The following TLE4 variants were observed in gnomAD, a reference collection of about 807,000 sequenced individuals.
The protein encoded by TLE4 is transducin-like enhancer protein 4.
A neutral mutation model predicts 92.8 loss-of-function variants in TLE4; 8 were observed. The ratio of observed to expected loss-of-function variants is 0.09; its 90% confidence interval spans 0.05 to 0.16. The LOEUF is 0.16. Ranked by LOEUF, TLE4 falls within the 10% of genes least tolerant of loss-of-function variation. The probability of loss-of-function intolerance (pLI) is 1.00; values close to 1 mark genes in which losing one functional copy is unlikely to be tolerated. For synonymous variants in TLE4, 371 were observed against 374.1 expected, an observed-to-expected ratio of 0.99 and a Z score of 0.10; for missense variants, 675 against 997.6, an observed-to-expected ratio of 0.68 and a Z score of 4.36.
intron 8 of TLE4, among the ~76,000 whole-genome samples, chr9:79,702,420 A>C (rs1425655905): frequency 6.6e-6 from 1 of 152,164 alleles, no homozygotes. Flanking sequence ...TGATGATTGC[A>C]TGCATGGTTT....
At chr9:79,591,212 G>T (rs149592906) in intron 4 of TLE4, among the ~76,000 whole-genome samples, 2 of 152,304 alleles carry the variant, frequency 1.3e-5, no homozygotes, top group African/African-American at 2.4e-5. Flanking sequence ...AGAGAAGGGG[G>T]TCTTTCTGGC....
At chr9:79,580,830 C>T (rs528242454) in intron 4 of TLE4, among the ~76,000 whole-genome samples, 16 of 151,714 alleles carry the variant, frequency 1.1e-4, no homozygotes, top group Non-Finnish European at 2.1e-4. Context: ...ATTTTGCTGA[C>T]AGAACTTTAT....
At chr9:79,650,170 C>T (rs1587814204) in intron 6 of TLE4, among the ~76,000 whole-genome samples, 1 of 152,090 alleles carries the variant, frequency 6.6e-6, no homozygotes, top group Non-Finnish European at 1.5e-5. Context: ...ACCGCCTCAA[C>T]TTCCCAAAGT....
chr9:79,573,440 C>T (rs887240525), intron 1 of TLE4: 25 of 1,163,222 alleles, frequency 2.1e-5, no homozygotes, highest in Non-Finnish European at 2.5e-5. Context: ...GGAGACGGGA[C>T]TCGAACCCTC....
At chr9:79,603,527 T>C (rs895825581) in intron 4 of TLE4, among the ~76,000 whole-genome samples, 1 of 152,184 alleles carries the variant, frequency 6.6e-6, no homozygotes, top group Non-Finnish European at 1.5e-5. Flanking sequence ...GTGTTTTTTT[T>C]AAGACATAAT....
chr9:79,688,174 G>A (rs2066288961), intron 8 of TLE4, among the ~76,000 whole-genome samples: 1 of 152,126 alleles, frequency 6.6e-6, no homozygotes, highest in Non-Finnish European at 1.5e-5. Flanking sequence ...CTGTCCTATA[G>A]TGCTTATAAG....
intron 8 of TLE4, 136 bp downstream of exon 8, chr9:79,654,211 A>T (rs917984567): frequency 3.6e-6 from 3 of 832,438 alleles, no homozygotes; most frequent in Admixed American, 3.0e-5. Flanking sequence ...TTTTAAAATT[A>T]CTTTCAGGTG....
At chr9:79,621,279 A>T (rs2791577) in intron 5 of TLE4, among the ~76,000 whole-genome samples, 80,740 of 151,920 alleles carry the variant, frequency 0.53, 23,550 homozygotes, top group African/African-American at 0.79. Context: ...ACCTGGAGTA[A>T]TGTGCACTAC....
At position 79,705,955 on chromosome 9, in the gene TLE4, CT is replaced by C. The variant is rs750744149; in HGVS notation, c.783+14del. The C allele has an allele frequency of 8.7e-6, 14 of 1,613,720 alleles. No individual in the cohort carries two copies. Among genetic ancestry groups the C allele is most frequent in the Non-Finnish European group, 1.2e-5 (14 of 1,179,770 alleles). ...CGTTTCCAATGAGGTATGTTTGTGG[CT>C]ACTTTAATTTTTTGCACTTGCCCAG... On this transcript the variant is annotated intron_variant, in intron 10 of 19. Transcript: ENST00000376552.
intron 14 of TLE4, among the ~76,000 whole-genome samples, chr9:79,713,817 C>T (rs947096078): frequency 1.3e-5 from 2 of 150,938 alleles, no homozygotes; most frequent in Non-Finnish European, 2.9e-5. Context: ...ACCCCCAGTA[C>T]CTCTTACTTA....
chr9:79,687,909 C>T (rs1045774003), intron 8 of TLE4, among the ~76,000 whole-genome samples: 1 of 152,150 alleles, frequency 6.6e-6, no homozygotes, highest in Admixed American at 6.5e-5. Context: ...TAAAAGCACA[C>T]GATTCAGTAG....
rs2036154038 is a variant in TLE4 at position 79,572,779 on chromosome 9, A to G, written c.-12A>G. On this transcript the variant is annotated 5_prime_UTR_variant, in exon 1 of 20. It removes the in-frame stop codon of an upstream open reading frame in the 5' UTR. Coordinates refer to ENST00000376552, the MANE Select transcript of TLE4 (RefSeq NM_007005.6). ...GCGCCTCTGCCGAGCGCAGCCAACT[A>G]AATCGGCTTGGATGATTCGCGACCT... The G allele has an allele frequency of 1.9e-6, 3 of 1,598,512 alleles. No homozygotes were observed. Among genetic ancestry groups the G allele is most frequent in the Non-Finnish European group, 2.6e-6 (3 of 1,173,348 alleles).
At chr9:79,702,662 T>G (rs113750762) in intron 8 of TLE4, among the ~76,000 whole-genome samples, 6 of 152,298 alleles carry the variant, frequency 3.9e-5, no homozygotes, top group African/African-American at 1.4e-4. Flanking sequence ...GCTGAACGTT[T>G]GATAGGTCTA....
chr9:79,629,488 T>C (rs375933394), intron 6 of TLE4, among the ~76,000 whole-genome samples: 17 of 152,356 alleles, frequency 1.1e-4, no homozygotes, highest in African/African-American at 3.4e-4. Context: ...TGTTTATATG[T>C]ATTTAATTAT....
At chr9:79,660,156 TATG>T (rs2060325141) in intron 8 of TLE4, among the ~76,000 whole-genome samples, 1 of 152,224 alleles carries the variant, frequency 6.6e-6, no homozygotes, top group Admixed American at 6.5e-5. Context: ...GTAGGAAGGC[TATG>T]CCAGGTTCTG....
At chr9:79,698,746 T>C (rs996752403) in intron 8 of TLE4, among the ~76,000 whole-genome samples, 9 of 152,020 alleles carry the variant, frequency 5.9e-5, no homozygotes, top group Non-Finnish European at 1.0e-4. Context: ...TTTAAGTTCA[T>C]TTACATAAAT....
At chr9:79,715,444 T>G (rs2074297362) in intron 14 of TLE4, among the ~76,000 whole-genome samples, 2 of 152,170 alleles carry the variant, frequency 1.3e-5, no homozygotes, top group South Asian at 4.2e-4. Flanking sequence ...GGCCGTCTCC[T>G]GAGATCATCC....
At chr9:79,573,872 T>C in intron 2 of TLE4, 86 bp downstream of exon 2, 1 of 962,324 alleles carries the variant, frequency 1.0e-6, no homozygotes, top group Non-Finnish European at 1.4e-6. Flanking sequence ...CCCTCCTCCT[T>C]TTTTGTGGGG....
At chr9:79,679,447 G>A (rs1349596791) in intron 8 of TLE4, among the ~76,000 whole-genome samples, 9 of 152,210 alleles carry the variant, frequency 5.9e-5, no homozygotes, top group South Asian at 2.1e-4. Flanking sequence ...CATATCCTTC[G>A]CCCACTTGTT....
Sources: allele counts gnomAD v4.1 joint callset (sites outside exome capture counted in the v4.1 genomes callset), GRCh38; gene constraint gnomAD v4.1.1; transcripts MANE v1.5; gene names NCBI Gene and HGNC (gene_info 2026-07-23, HGNC 2026-07-21).